Variants in WIPF3 observed in about 807,000 individuals in gnomAD.
WIPF3 encodes WAS/WASL-interacting protein family member 3.
A neutral mutation model predicts 38.9 loss-of-function variants in WIPF3; 33 were observed. That is an observed-to-expected ratio of 0.85 (90% CI 0.64 to 1.14). WIPF3 has a LOEUF of 1.14. Among genes scored for constraint, WIPF3 ranks in the 50% most tolerant of loss-of-function variants. WIPF3 has a pLI of 0.00. For synonymous variants in WIPF3, 324 were observed against 269.3 expected (o/e 1.20, Z -1.99); for missense variants, 711 against 652.5 (o/e 1.09, Z -0.98).
chr7:29,866,750 A>T (rs1242556349), intron 2 of WIPF3, among the ~76,000 whole-genome samples: 2 of 152,130 alleles, frequency 1.3e-5, no homozygotes, highest in African/African-American at 4.8e-5. Flanking sequence ...TCCTTCTCTG[A>T]TGCCCCTTTC....
chr7:29,875,737 CAG>C (rs745745336), intron 2 of WIPF3, 91 bp from the exon 3 acceptor site: 81 of 1,527,344 alleles, frequency 5.3e-5, no homozygotes, highest in Non-Finnish European at 6.6e-5. Flanking sequence ...ACGGGGAAGA[CAG>C]AGAACTGCAA....
Position 29,888,225 on chromosome 7 carries a change from G to A in WIPF3, c.1249+8G>A. ...GAAGCCTGCACATCATTGGTAAGTGGGTTGCACCCTCTGCCGGTTTGGCTG... is the reference window on the plus strand; with the variant it reads ...GAAGCCTGCACATCATTGGTAAGTGAGTTGCACCCTCTGCCGGTTTGGCTG... On this transcript the variant is annotated splice_region_variant and intron_variant, in intron 6 of 8. Coordinates refer to ENST00000242140, the MANE Select transcript of WIPF3 (RefSeq NM_001080529.3). 1 of 1,603,180 alleles carries A rather than the reference G, an allele frequency of 6.2e-7. No homozygotes were observed. Among genetic ancestry groups the A allele is most frequent in the Non-Finnish European group, 8.5e-7 (1 of 1,174,842 alleles).
At chr7:29,837,371 C>T (rs920695396) in intron 2 of WIPF3, among the ~76,000 whole-genome samples, 8 of 152,116 alleles carry the variant, frequency 5.3e-5, no homozygotes, top group Non-Finnish European at 8.8e-5. Context: ...AACAAACAAA[C>T]AAACAAATGA....
At chr7:29,828,436 C>G (rs978710059) in intron 1 of WIPF3, among the ~76,000 whole-genome samples, 1 of 152,136 alleles carries the variant, frequency 6.6e-6, no homozygotes, top group African/African-American at 2.4e-5. Context: ...ATAGCTCCCG[C>G]TAAAGAGGTT....
chr7:29,877,163 A>G (rs560602195), intron 3 of WIPF3, among the ~76,000 whole-genome samples: 1 of 152,366 alleles, frequency 6.6e-6, no homozygotes, highest in Non-Finnish European at 1.5e-5. Flanking sequence ...AGTAGCATAC[A>G]TTCATAACAG....
chr7:29,875,046 C>T (rs922072596), intron 2 of WIPF3, among the ~76,000 whole-genome samples: 1 of 152,166 alleles, frequency 6.6e-6, no homozygotes, highest in African/African-American at 2.4e-5. Flanking sequence ...GGCAAACTCA[C>T]TTTAAACGCA....
intron 6 of WIPF3, 61 bp from the exon 7 acceptor site, chr7:29,889,245 T>C: frequency 1.4e-6 from 2 of 1,396,280 alleles, no homozygotes; most frequent in South Asian, 1.2e-5. Flanking sequence ...CTCCTGGAAA[T>C]GATCAAAACT....
chr7:29,883,399 G>A (rs1192251091), intron 4 of WIPF3, among the ~76,000 whole-genome samples: 1 of 152,156 alleles, frequency 6.6e-6, no homozygotes, highest in African/African-American at 2.4e-5. Context: ...ACAAAATGCT[G>A]GGAGTGAAGA....
chr7:29,913,913 C>T (rs1018776594), intron 8 of WIPF3, among the ~76,000 whole-genome samples: 4 of 152,202 alleles, frequency 2.6e-5, no homozygotes, highest in Non-Finnish European at 5.9e-5. Flanking sequence ...TTTTGATCTC[C>T]GCCTGCAAGT....
chr7:29,828,057 C>T (rs1033863159), intron 1 of WIPF3, among the ~76,000 whole-genome samples: 1 of 152,120 alleles, frequency 6.6e-6, no homozygotes, highest in Non-Finnish European at 1.5e-5. Context: ...TGTCGGCCTC[C>T]CAAAGTGCTG....
At chr7:29,834,142 G>C (rs1260661518) in intron 1 of WIPF3, among the ~76,000 whole-genome samples, 1 of 152,190 alleles carries the variant, frequency 6.6e-6, no homozygotes, top group Non-Finnish European at 1.5e-5. Flanking sequence ...AGAGCTGACA[G>C]GAGAGAAAGA....
At chr7:29,902,157 G>C (rs1391871774) in intron 7 of WIPF3, among the ~76,000 whole-genome samples, 1 of 151,952 alleles carries the variant, frequency 6.6e-6, no homozygotes, top group African/African-American at 2.4e-5. Context: ...TGGCCTAGAA[G>C]GTCTTTCTGT....
In WIPF3 at chr7:29,891,462, C is replaced by T. The variant is rs148876506; in HGVS notation, c.1351+2055C>T. On this transcript the variant is annotated intron_variant, in intron 7 of 8. Coordinates refer to ENST00000242140, the MANE Select transcript of WIPF3 (RefSeq NM_001080529.3). ...TGGCTGTACATTTAGAGATATAACC[C>T]TGTGTGCCCTTTCTAATAAAATGTA... is the stretch of plus-strand genomic sequence containing the variant. 3.4e-3 allele frequency among the ~76,000 whole-genome samples: 517 copies of T among 152,334 alleles called. 13 individuals are homozygous for T. The highest frequency in any genetic ancestry group is 0.027 in the Admixed American group (421 of 15,310).
At chr7:29,832,033 C>T (rs563620180) in intron 1 of WIPF3, among the ~76,000 whole-genome samples, 3 of 152,184 alleles carry the variant, frequency 2.0e-5, no homozygotes, top group African/African-American at 7.2e-5. Context: ...GTGGTATTTC[C>T]GTTTGTAAAG....
chr7:29,865,103 C>G (rs1785362783), intron 2 of WIPF3, among the ~76,000 whole-genome samples: 1 of 148,992 alleles, frequency 6.7e-6, no homozygotes, highest in Non-Finnish European at 1.5e-5. Context: ...AGTTATTACT[C>G]TCTTCCAAAT....
At position 29,844,748 on chromosome 7, in the gene WIPF3, A is replaced by G. The variant is rs1784971603; in HGVS notation, c.90+9934A>G. The stretch of plus-strand genomic sequence containing the variant: ...TAGTAATTGAGTTATTCTTCACAGT[A>G]ACCCTTTGAGGCAGGTACTGTTCTC... On this transcript the variant is annotated intron_variant, in intron 2 of 8. Coordinates refer to ENST00000242140, the MANE Select transcript of WIPF3 (RefSeq NM_001080529.3). This position sits in a 1 kb window ranked among gnomAD's most constrained non-coding sequence, Gnocchi z 4.8. 6.6e-6 allele frequency among the ~76,000 whole-genome samples: 1 copy of G among 152,186 alleles called. No individual in the cohort carries two copies. Among genetic ancestry groups the G allele is most frequent in the African/African-American group, 2.4e-5 (1 of 41,446 alleles).
At chr7:29,860,486 T>C (rs1785256759) in intron 2 of WIPF3, among the ~76,000 whole-genome samples, 1 of 152,184 alleles carries the variant, frequency 6.6e-6, no homozygotes, top group South Asian at 2.1e-4. Flanking sequence ...CTTTGCCTTC[T>C]ACCATAAGTG....
At chr7:29,882,292 G>A (rs1351990964) in intron 4 of WIPF3, among the ~76,000 whole-genome samples, 1 of 152,176 alleles carries the variant, frequency 6.6e-6, no homozygotes, top group Non-Finnish European at 1.5e-5. Flanking sequence ...ATTTCATTCA[G>A]CCACTGGGCA....
chr7:29,829,061 CAG>C (rs1222469944), intron 1 of WIPF3, among the ~76,000 whole-genome samples: 4 of 152,158 alleles, frequency 2.6e-5, no homozygotes, highest in Non-Finnish European at 5.9e-5. Flanking sequence ...CTTACTAGAA[CAG>C]ACTCCTTTAG....
Sources: gnomAD v4.1 joint callset for allele counts (sites outside exome capture counted in the v4.1 genomes callset) on GRCh38, gnomAD v4.1.1 for gene constraint, Gnocchi (gnomAD v3.1) non-coding constraint, MANE v1.5 for transcripts, NCBI Gene and HGNC (gene_info 2026-07-23, HGNC 2026-07-21) for gene names.